LRP1B: variants seen among roughly 807,000 people sequenced by gnomAD.
LRP1B encodes the protein low-density lipoprotein receptor-related protein 1B.
In LRP1B, 217 loss-of-function variants were observed where a neutral mutation model predicts 556.6. That is an observed-to-expected ratio of 0.39 (90% CI 0.35 to 0.44). LRP1B has a LOEUF of 0.44. Ranked by LOEUF, LRP1B falls within the 20% of genes least tolerant of loss-of-function variation. LRP1B has a pLI of 1.00. For synonymous variants in LRP1B, 2,047 were observed against 1,865.8 expected, an observed-to-expected ratio of 1.10 and a Z score of -2.50; for missense variants, 5,053 against 5,620.8, an observed-to-expected ratio of 0.90 and a Z score of 3.23.
Position 140,506,866 on chromosome 2 carries a change from G to C in LRP1B, c.8451C>G (p.Cys2817Trp), listed in dbSNP as rs758284738. 1 of 1,613,936 alleles carries C rather than the reference G, an allele frequency of 6.2e-7. No homozygotes were observed. The change falls in exon 53 of 91, where the codon TGC becomes TGG. Residue 2817 changes from cysteine (C) to tryptophan (W), a missense_variant. Cys to Trp is a radical substitution (Grantham distance 215). This residue lies in a region of LRP1B where 3,619 missense variants were observed against 3,931.9 expected (regional missense o/e 0.92). Transcript: ENST00000389484. ...ENAFMCHNKV[C>W]IPKQFVCDHD... The stretch of plus-strand genomic sequence containing the variant: ...GGTCACAAACAAATTGCTTGGGAAT[G>C]CATACTTTATTATGGCACATGAAAG...
chr2:141,570,533 G>T (rs374126036), intron 2 of LRP1B, among the ~76,000 whole-genome samples: 1 of 151,398 alleles, frequency 6.6e-6, no homozygotes, highest in South Asian at 2.1e-4. Context: ...GATCTCCCAG[G>T]GGGAGGGGTG....
intron 1 of LRP1B, among the ~76,000 whole-genome samples, chr2:141,983,917 C>T (rs1163119945): frequency 6.6e-6 from 1 of 152,008 alleles, no homozygotes; most frequent in East Asian, 1.9e-4. Flanking sequence ...AAAAATTAGC[C>T]GGGCATAGTG....
Position 140,716,108 on chromosome 2 carries a change from A to G in LRP1B, c.5894-6T>C, listed in dbSNP as rs1687200278. The G allele has an allele frequency of 1.3e-6, 2 of 1,577,638 alleles. No homozygotes were observed. The highest frequency in any genetic ancestry group is 1.7e-6 in the Non-Finnish European group (2 of 1,155,674). ...ATCTGTCCAATATATGTTACCTAGG[A>G]GAAATAATAGAGGTGTTTATAATAC... On this transcript the variant is annotated splice_polypyrimidine_tract_variant and splice_region_variant and intron_variant, in intron 36 of 90. Transcript: ENST00000389484.
At chr2:140,370,466 T>C (rs1389568694) in intron 71 of LRP1B, among the ~76,000 whole-genome samples, 2 of 152,030 alleles carry the variant, frequency 1.3e-5, no homozygotes, top group Admixed American at 6.6e-5. Flanking sequence ...TCTGAAATGG[T>C]AGACACTCAG....
chr2:141,441,519 ATTTT>A (rs201725778), intron 3 of LRP1B, among the ~76,000 whole-genome samples: 2 of 152,136 alleles, frequency 1.3e-5, no homozygotes, highest in Non-Finnish European at 2.9e-5. Flanking sequence ...TATTAAAACT[ATTTT>A]TTTGTTTTAT....
chr2:141,992,488 GCTT>G (rs1225191839), intron 1 of LRP1B, among the ~76,000 whole-genome samples: 5 of 152,090 alleles, frequency 3.3e-5, no homozygotes, highest in African/African-American at 1.2e-4. Flanking sequence ...GAGTACAGTG[GCTT>G]CTTAAGTAAA....
chr2:140,406,373 A>C (rs2105238227), intron 66 of LRP1B, among the ~76,000 whole-genome samples: 1 of 152,176 alleles, frequency 6.6e-6, no homozygotes, highest in East Asian at 1.9e-4. Context: ...GAAATAAAGG[A>C]CATCTAAATT....
Position 140,733,069 on chromosome 2 carries a change from A to G in LRP1B, c.5759-16253T>C, listed in dbSNP as rs1487856058. Among the ~76,000 whole-genome samples, 8 of 152,254 alleles carry G rather than the reference A, an allele frequency of 5.3e-5. No homozygotes were observed. In the South Asian group the frequency reaches 1.5e-3, roughly 28 times the overall value. ...TATATTACCTTGAGCTATAAGCCTC[A>G]TAGATCTTAAAAGAAAAACAGTGAC... On this transcript the variant is annotated intron_variant, in intron 35 of 90. Coordinates refer to ENST00000389484, the MANE Select transcript of LRP1B (RefSeq NM_018557.3).
chr2:141,173,242 G>A (rs959462839), intron 7 of LRP1B, among the ~76,000 whole-genome samples: 6 of 151,974 alleles, frequency 3.9e-5, no homozygotes, highest in Admixed American at 6.6e-5. Flanking sequence ...TATCCATTAG[G>A]AAGAATGTAA....
At chr2:140,786,435 C>A (rs12691569) in intron 32 of LRP1B, among the ~76,000 whole-genome samples, 32,166 of 152,108 alleles carry the variant, frequency 0.21, 3,679 homozygotes, top group South Asian at 0.29. Context: ...AGGAACGCCC[C>A]TCCACCTGGA....
chr2:140,506,779 G>A lies in LRP1B; in HGVS notation c.8521+17C>T. On this transcript the variant is annotated intron_variant, in intron 53 of 90. Transcript: ENST00000389484. Reference sequence around the variant, plus strand: ...TTAGCCTAGGAATCTCCTTCATGAAGTTTTAGATGTACTTACCACACTGCG... The same window carrying A: ...TTAGCCTAGGAATCTCCTTCATGAAATTTTAGATGTACTTACCACACTGCG... 1.2e-6 allele frequency: 2 copies of A among 1,602,132 alleles called. No individual in the cohort carries two copies. Among genetic ancestry groups the A allele is most frequent in the Non-Finnish European group, 1.7e-6 (2 of 1,175,990 alleles).
chr2:141,741,987 T>C (rs1693724890), intron 2 of LRP1B, among the ~76,000 whole-genome samples: 1 of 152,196 alleles, frequency 6.6e-6, no homozygotes, highest in African/African-American at 2.4e-5. Flanking sequence ...ATGATAGGCG[T>C]CTAGCTTCAT....
intron 67 of LRP1B, among the ~76,000 whole-genome samples, chr2:140,379,258 A>G (rs931728758): frequency 6.6e-6 from 1 of 152,200 alleles, no homozygotes; most frequent in South Asian, 2.1e-4. Context: ...AGGAATATCC[A>G]TATGATGCCT....
intron 2 of LRP1B, among the ~76,000 whole-genome samples, chr2:141,657,120 T>C (rs1690042044): frequency 6.6e-6 from 1 of 152,120 alleles, no homozygotes; most frequent in Non-Finnish European, 1.5e-5. Context: ...GAGACAGTTC[T>C]TTGAGACCCA....
At chr2:140,741,657 C>T in intron 35 of LRP1B, among the ~76,000 whole-genome samples, 1 of 151,528 alleles carries the variant, frequency 6.6e-6, no homozygotes, top group East Asian at 1.9e-4. Context: ...TCAAGTAGGC[C>T]TCTGTGTCTA....
At chr2:140,481,610 T>C (rs377113830) in intron 59 of LRP1B, among the ~76,000 whole-genome samples, 126 of 147,658 alleles carry the variant, frequency 8.5e-4, no homozygotes, top group Admixed American at 1.6e-3. Flanking sequence ...TTATTATTAT[T>C]ATTATTATTA....
intron 60 of LRP1B, among the ~76,000 whole-genome samples, chr2:140,463,402 C>T (rs1170363969): frequency 6.6e-6 from 1 of 152,138 alleles, no homozygotes; most frequent in Non-Finnish European, 1.5e-5. Context: ...CTGTGCAAAC[C>T]ATTTAAAAAA....
intron 2 of LRP1B, among the ~76,000 whole-genome samples, chr2:141,560,132 A>T (rs1267190325): frequency 6.6e-6 from 1 of 151,730 alleles, no homozygotes; most frequent in Non-Finnish European, 1.5e-5. Context: ...GAAAAATAAC[A>T]GAAGCTGCAT....
intron 60 of LRP1B, among the ~76,000 whole-genome samples, chr2:140,472,633 G>A (rs1423857903): frequency 2.0e-5 from 3 of 151,980 alleles, no homozygotes; most frequent in Non-Finnish European, 4.4e-5. Flanking sequence ...GAGATAATCT[G>A]AACTTTAAGT....
Sources: allele counts gnomAD v4.1 joint callset (sites outside exome capture counted in the v4.1 genomes callset), GRCh38; gene constraint gnomAD v4.1.1; regional missense constraint gnomAD v4.1.1; transcripts MANE v1.5; gene names NCBI Gene and HGNC (gene_info 2026-07-23, HGNC 2026-07-21).